The following PAG1 variants were observed in gnomAD, a reference collection of about 807,000 sequenced individuals.
PAG1 encodes phosphoprotein membrane anchor with glycosphingolipid microdomains 1.
PAG1 carries 23 observed loss-of-function variants against 31.7 expected under a neutral mutation model. That is an observed-to-expected ratio of 0.73 (90% CI 0.52 to 1.03). The LOEUF is 1.03. PAG1 is among the 50% of genes least tolerant of loss of function. The pLI is 0.00. For missense variants in PAG1, 473 were observed against 540.7 expected, an observed-to-expected ratio of 0.87 and a Z score of 1.24; for synonymous variants, 214 against 210.3, an observed-to-expected ratio of 1.02 and a Z score of -0.15.
At chr8:81,104,698 T>C (rs1403680190) in intron 1 of PAG1, among the ~76,000 whole-genome samples, 1 of 152,102 alleles carries the variant, frequency 6.6e-6, no homozygotes, top group African/African-American at 2.4e-5. Context: ...ATCCTTAAAT[T>C]CACCATCCTC....
At chr8:81,038,587 T>C (rs1400100620) in intron 2 of PAG1, among the ~76,000 whole-genome samples, 1 of 152,178 alleles carries the variant, frequency 6.6e-6, no homozygotes, top group Admixed American at 6.5e-5. Context: ...AGATGGACCA[T>C]ATGGGATAAA....
At chr8:81,079,371 G>T (rs1809229389) in intron 1 of PAG1, among the ~76,000 whole-genome samples, 2 of 152,114 alleles carry the variant, frequency 1.3e-5, no homozygotes, top group South Asian at 4.1e-4. Flanking sequence ...AATATAATTT[G>T]CAGGACTATT....
intron 2 of PAG1, among the ~76,000 whole-genome samples, chr8:81,033,341 A>G (rs1244959156): frequency 6.6e-6 from 1 of 152,214 alleles, no homozygotes; most frequent in African/African-American, 2.4e-5. Flanking sequence ...TATAATTCTG[A>G]TAGACCAAAC....
intron 2 of PAG1, among the ~76,000 whole-genome samples, chr8:81,047,033 T>G (rs1808653145): frequency 6.6e-6 from 1 of 152,246 alleles, no homozygotes; most frequent in South Asian, 2.1e-4. Flanking sequence ...TTCATTCATT[T>G]TTATGGCTGC....
Position 80,976,283 on chromosome 8 carries a change from G to A in PAG1, c.*261C>T. 1 of 402,430 alleles carries A rather than the reference G, an allele frequency of 2.5e-6. No homozygotes were observed. Among genetic ancestry groups the A allele is most frequent in the South Asian group, 4.0e-5 (1 of 24,906 alleles). 24.9% of individuals were successfully genotyped at this position (402,430 alleles called of 1,614,324 possible). On this transcript the variant is annotated 3_prime_UTR_variant, in exon 9 of 9. Transcript: ENST00000220597. ...ACCACTGACAGCTGGGATCTTTTGT[G>A]GGTGGTGAGGGTGCAGCAGGGAGAT... is the stretch of plus-strand genomic sequence containing the variant.
At chr8:81,010,440 A>C (rs1807961737) in intron 3 of PAG1, among the ~76,000 whole-genome samples, 1 of 152,234 alleles carries the variant, frequency 6.6e-6, no homozygotes, top group South Asian at 2.1e-4. Context: ...TTTATTATAG[A>C]AATTAAAATA....
At chr8:81,049,324 T>G (rs901912608) in intron 2 of PAG1, among the ~76,000 whole-genome samples, 1 of 152,242 alleles carries the variant, frequency 6.6e-6, no homozygotes, top group African/African-American at 2.4e-5. Context: ...CTTAAACCTT[T>G]ATATTATGTG....
chr8:81,010,042 G>A (rs1037536538), intron 3 of PAG1, among the ~76,000 whole-genome samples: 25 of 152,334 alleles, frequency 1.6e-4, no homozygotes, highest in African/African-American at 6.0e-4. Flanking sequence ...GTTTGGGGCT[G>A]AGAATCACTG....
chr8:81,057,750 T>C lies in PAG1; in HGVS notation c.-175+12362A>G, dbSNP rs137916415. ...AACTGAGTATGTTTCATGTGATTAT[T>C]AAATTTTTGAGAAATGTTTGGAAAA... is the stretch of plus-strand genomic sequence containing the variant. On this transcript the variant is annotated intron_variant, in intron 2 of 8. Coordinates refer to ENST00000220597, the MANE Select transcript of PAG1 (RefSeq NM_018440.4). Among the ~76,000 whole-genome samples, 689 of 152,330 alleles carry C rather than the reference T, an allele frequency of 4.5e-3. 8 individuals are homozygous for C. Among genetic ancestry groups the C allele is most frequent in the African/African-American group, 0.015 (641 of 41,572 alleles).
intron 1 of PAG1, among the ~76,000 whole-genome samples, chr8:81,079,559 C>T (rs1269637703): frequency 4.6e-5 from 7 of 152,074 alleles, no homozygotes; most frequent in Non-Finnish European, 8.8e-5. Flanking sequence ...ACTTCCATTT[C>T]CTACTTGGTC....
chr8:80,980,320 G>C (rs1299299775), intron 8 of PAG1, 115 bp downstream of exon 8: 2 of 652,098 alleles, frequency 3.1e-6, no homozygotes, highest in Admixed American at 2.6e-5. Flanking sequence ...TCCAAACATA[G>C]GCATAGGAGA....
intron 2 of PAG1, among the ~76,000 whole-genome samples, chr8:81,066,322 C>G (rs1486763516): frequency 6.6e-6 from 1 of 152,216 alleles, no homozygotes; most frequent in Non-Finnish European, 1.5e-5. Flanking sequence ...GCAAGCATCG[C>G]AAATGCACTT....
At chr8:80,981,768 C>T (rs749106417) in intron 7 of PAG1, among the ~76,000 whole-genome samples, 34 of 152,068 alleles carry the variant, frequency 2.2e-4, no homozygotes, top group South Asian at 2.1e-4. Context: ...GGATCATTCC[C>T]AGCCACATGC....
intron 1 of PAG1, among the ~76,000 whole-genome samples, chr8:81,073,159 C>A (rs537834508): frequency 1.3e-5 from 2 of 152,142 alleles, no homozygotes; most frequent in Admixed American, 1.3e-4. Context: ...TCAGGATTGG[C>A]CCACATGGAG....
At chr8:81,055,673 A>G (rs371947468) in intron 2 of PAG1, among the ~76,000 whole-genome samples, 4 of 152,000 alleles carry the variant, frequency 2.6e-5, no homozygotes, top group African/African-American at 7.3e-5. Flanking sequence ...GGTCCTTCAC[A>G]TCCCTTGTAA....
rs565371912 is a variant in PAG1, at chr8:81,080,311, TAAC to T, written c.-233-10144_-233-10142del. 3.9e-4 allele frequency among the ~76,000 whole-genome samples: 60 copies of T among 152,258 alleles called. No homozygotes were observed. In the South Asian group the frequency reaches 0.012, roughly 32 times the overall value. On this transcript the variant is annotated intron_variant, in intron 1 of 8. Transcript: ENST00000220597. ...TTCAATTCTATGGGGGTCTTAAGTT[TAAC>T]AACTGCAAATCCACTAATAATGGAG...
rs1445984049 is a variant in PAG1, at chr8:80,990,967, T to C, written c.177+512A>G. Among the ~76,000 whole-genome samples the C allele has an allele frequency of 6.8e-6, 1 of 147,316 alleles. No individual in the cohort carries two copies. Among genetic ancestry groups the C allele is most frequent in the Non-Finnish European group, 1.5e-5 (1 of 67,394 alleles). ...TGGTGTCTTTATAAAATGGGGAAACTTGGACACAGCCAGCCATACATAGAT... is the reference window on the plus strand; with the variant it reads ...TGGTGTCTTTATAAAATGGGGAAACCTGGACACAGCCAGCCATACATAGAT... On this transcript the variant is annotated intron_variant, in intron 5 of 8. Transcript: ENST00000220597. The surrounding 1 kb of genome is among the most constrained non-coding windows in gnomAD (Gnocchi z 5.1).
At chr8:81,020,627 T>A (rs1277560180) in intron 3 of PAG1, among the ~76,000 whole-genome samples, 1 of 152,210 alleles carries the variant, frequency 6.6e-6, no homozygotes, top group African/African-American at 2.4e-5. Flanking sequence ...CCATTAAACC[T>A]CTTTCCTTTA....
intron 3 of PAG1, among the ~76,000 whole-genome samples, chr8:81,021,109 G>T (rs371748407): frequency 1.3e-5 from 2 of 152,376 alleles, no homozygotes; most frequent in South Asian, 2.1e-4. Context: ...TACAGAAACA[G>T]ATGGCAGGGC....
Sources: allele counts gnomAD v4.1 joint callset (sites outside exome capture counted in the v4.1 genomes callset), GRCh38; gene constraint gnomAD v4.1.1; non-coding constraint Gnocchi (gnomAD v3.1); transcripts MANE v1.5; gene names NCBI Gene and HGNC (gene_info 2026-07-23, HGNC 2026-07-21).